The following RUNX2 variants were observed in gnomAD, a reference collection of about 807,000 sequenced individuals.
RUNX2 encodes the protein RUNX family transcription factor 2.
In RUNX2, 10 loss-of-function variants were observed where a neutral mutation model predicts 51.7. That is an observed-to-expected ratio of 0.19 (90% confidence interval 0.12 to 0.33). RUNX2 has a LOEUF of 0.33. Among genes scored for constraint, RUNX2 ranks in the 10% least tolerant of loss-of-function variants. The pLI is 1.00. For synonymous variants in RUNX2, 276 were observed against 273.6 expected (o/e 1.01, Z -0.09); for missense variants, 562 against 691.3 (o/e 0.81, Z 2.10).
chr6:45,379,663 G>A (rs1797183906), intron 2 of RUNX2, among the ~76,000 whole-genome samples: 1 of 152,058 alleles, frequency 6.6e-6, no homozygotes, highest in Non-Finnish European at 1.5e-5. Context: ...TCAGGAGATC[G>A]AAACCATCCT....
chr6:45,491,834 ATAATTC>A, intron 5 of RUNX2, 101 bp from the exon 6 acceptor site: 1 of 1,125,188 alleles, frequency 8.9e-7, no homozygotes, highest in Non-Finnish European at 1.4e-6. Flanking sequence ...ATTAATATTG[ATAATTC>A]CTTGGCTTAA....
intron 5 of RUNX2, among the ~76,000 whole-genome samples, chr6:45,443,919 AG>A (rs1240558088): frequency 6.6e-6 from 1 of 152,040 alleles, no homozygotes; most frequent in African/African-American, 2.4e-5. Context: ...ATCTTGATCT[AG>A]GCTCACTGCA....
chr6:45,489,376 G>T (rs958594294), intron 5 of RUNX2, among the ~76,000 whole-genome samples: 1 of 152,080 alleles, frequency 6.6e-6, no homozygotes, highest in Non-Finnish European at 1.5e-5. Flanking sequence ...TCCTGAAAAC[G>T]CTGGGCTAAG....
At position 45,522,435 on chromosome 6, in the gene RUNX2, T is replaced by TA. The variant is rs1437433322; in HGVS notation, c.1021+10037dup. On this transcript the variant is annotated intron_variant, in intron 7 of 8. Coordinates refer to ENST00000647337, the MANE Select transcript of RUNX2 (RefSeq NM_001024630.4). Reference sequence around the variant, plus strand: ...CTTAAAGCCATCTGCATTAGGAAATTAAAAAAAAACAACAATCCCATTCAG... The same window carrying TA: ...CTTAAAGCCATCTGCATTAGGAAATTAAAAAAAAAACAACAATCCCATTCAG... Among the ~76,000 whole-genome samples the TA allele has an allele frequency of 4.9e-4, 74 of 149,810 alleles. No homozygotes were observed. The East Asian group carries it at 5.2e-3, about 11-fold the overall frequency.
rs145364349 is a variant in RUNX2, at chr6:45,328,602, A to G, written c.-66-59A>G. ...ACAGAAAAAAATAAATATAAAGTCT[A>G]TGTACTCCAGGCATACTGTAAAACT... On this transcript the variant is annotated intron_variant, in intron 1 of 8. Transcript: ENST00000647337. 0.01 allele frequency: 16,281 copies of G among 1,604,222 alleles called. 115 individuals are homozygous for G. The highest frequency in any genetic ancestry group is 0.013 in the Non-Finnish European group (14,689 of 1,174,604).
At chr6:45,451,976 T>C (rs2150380545) in intron 5 of RUNX2, among the ~76,000 whole-genome samples, 1 of 152,334 alleles carries the variant, frequency 6.6e-6, no homozygotes, top group African/African-American at 2.4e-5. Context: ...GAATCTTTAA[T>C]TGAGAAAAAT....
Position 45,328,365 on chromosome 6 carries a change from G to A in RUNX2, c.-162G>A, listed in dbSNP as rs773115189. 106 of 1,381,708 alleles carry A rather than the reference G, an allele frequency of 7.7e-5. 1 individual carries two copies. In the South Asian group the frequency reaches 8.1e-4, roughly 11 times the overall value. The allele number at this position is 1,381,708 out of a possible 1,614,324, so 85.6% of individuals were successfully genotyped here. A position where few individuals can be genotyped will look rare whatever the true frequency, so the allele number is the denominator to read the frequency against. On this transcript the variant is annotated 5_prime_UTR_variant, in exon 1 of 9. Transcript: ENST00000647337. ...CAAACAACCACAGAACCACAAGTGCGGTGCAAACTTTCTCCAGGAGGACAG... is the reference window on the plus strand; with the variant it reads ...CAAACAACCACAGAACCACAAGTGCAGTGCAAACTTTCTCCAGGAGGACAG...
At chr6:45,545,106 C>G in intron 7 of RUNX2, 111 bp from the exon 8 acceptor site, 2 of 880,872 alleles carry the variant, frequency 2.3e-6, no homozygotes, top group Non-Finnish European at 3.6e-6. Context: ...ATGGGAACCT[C>G]TCTGTCTACC....
chr6:45,475,818 C>T (rs936064707), intron 5 of RUNX2, among the ~76,000 whole-genome samples: 4 of 152,174 alleles, frequency 2.6e-5, no homozygotes, highest in Admixed American at 6.5e-5. Context: ...ACAATTTATA[C>T]GGTGAACTGG....
intron 5 of RUNX2, among the ~76,000 whole-genome samples, chr6:45,463,131 G>C (rs1372267935): frequency 1.3e-5 from 2 of 152,174 alleles, no homozygotes; most frequent in Non-Finnish European, 2.9e-5. Context: ...AAAAGAAGGA[G>C]TCTTTACCAA....
chr6:45,465,204 G>T (rs1013033902), intron 5 of RUNX2, among the ~76,000 whole-genome samples: 1 of 151,988 alleles, frequency 6.6e-6, no homozygotes, highest in Non-Finnish European at 1.5e-5. Flanking sequence ...TTTCTTGTAG[G>T]CATTCCATAG....
intron 2 of RUNX2, among the ~76,000 whole-genome samples, chr6:45,411,219 G>A (rs1194568026): frequency 6.6e-6 from 1 of 152,206 alleles, no homozygotes; most frequent in East Asian, 1.9e-4. Context: ...TTTTAAGGGT[G>A]AAGTAAATGA....
intron 8 of RUNX2, among the ~76,000 whole-genome samples, chr6:45,546,518 A>C (rs1437454227): frequency 6.6e-6 from 1 of 152,224 alleles, no homozygotes; most frequent in African/African-American, 2.4e-5. Flanking sequence ...ATTTGGTTTT[A>C]AAGTCTGGTG....
At chr6:45,342,855 C>T (rs944115238) in intron 2 of RUNX2, among the ~76,000 whole-genome samples, 1 of 152,050 alleles carries the variant, frequency 6.6e-6, no homozygotes, top group African/African-American at 2.4e-5. Context: ...CCTCCAATTA[C>T]AAGATATTTG....
chr6:45,341,360 T>C (rs912284284), intron 2 of RUNX2, among the ~76,000 whole-genome samples: 7 of 152,190 alleles, frequency 4.6e-5, no homozygotes, highest in African/African-American at 2.4e-5. Flanking sequence ...AAAAGCTGTT[T>C]GGGGATCTAT....
At chr6:45,512,708 C>T (rs527255779) in intron 7 of RUNX2, among the ~76,000 whole-genome samples, 1 of 152,112 alleles carries the variant, frequency 6.6e-6, no homozygotes, top group Admixed American at 6.5e-5. Context: ...TAACTAGGGC[C>T]TTTTCCTGAG....
At chr6:45,360,992 G>C (rs1034918870) in intron 2 of RUNX2, among the ~76,000 whole-genome samples, 1 of 152,108 alleles carries the variant, frequency 6.6e-6, no homozygotes, top group African/African-American at 2.4e-5. Context: ...ATGATTTTTA[G>C]CTGGGCACAG....
intron 2 of RUNX2, among the ~76,000 whole-genome samples, chr6:45,350,497 T>C (rs1488933559): frequency 1.3e-5 from 2 of 152,194 alleles, no homozygotes; most frequent in Non-Finnish European, 2.9e-5. Flanking sequence ...GGTTTACATT[T>C]TGGCTCAAGC....
chr6:45,504,149 C>T (rs1481201849), intron 6 of RUNX2, among the ~76,000 whole-genome samples: 1 of 152,112 alleles, frequency 6.6e-6, no homozygotes, highest in Non-Finnish European at 1.5e-5. Context: ...GGGGTCCGCA[C>T]CTTGCTCTTG....
Sources: gnomAD v4.1 joint callset for allele counts (sites outside exome capture counted in the v4.1 genomes callset) on GRCh38, gnomAD v4.1.1 for gene constraint, MANE v1.5 for transcripts, NCBI Gene and HGNC (gene_info 2026-07-23, HGNC 2026-07-21) for gene names.